The following GSG1L variants were observed in gnomAD, a reference collection of about 807,000 sequenced individuals.
GSG1L encodes the protein GSG1 like.
In GSG1L, 24 loss-of-function variants were observed where a neutral mutation model predicts 42.1. The ratio of observed to expected loss-of-function variants is 0.57; its 90% CI spans 0.41 to 0.80. GSG1L has a LOEUF of 0.80. Among genes scored for constraint, GSG1L ranks in the 30% least tolerant of loss-of-function variants. The pLI is 0.00. For synonymous variants in GSG1L, 215 were observed against 203.5 expected, an observed-to-expected ratio of 1.06 and a Z score of -0.48; for missense variants, 445 against 472.2, an observed-to-expected ratio of 0.94 and a Z score of 0.53.
chr16:27,925,904 G>A (rs2084587031), intron 2 of GSG1L, among the ~76,000 whole-genome samples: 1 of 152,242 alleles, frequency 6.6e-6, no homozygotes, highest in Non-Finnish European at 1.5e-5. Context: ...CACAGTGACA[G>A]CAGACAGCAG....
At chr16:28,039,599 AC>A (rs2086082168) in intron 1 of GSG1L, among the ~76,000 whole-genome samples, 1 of 139,942 alleles carries the variant, frequency 7.1e-6, no homozygotes, top group African/African-American at 2.6e-5. Context: ...ACATACCCAC[AC>A]TTGCACACAC....
chr16:27,903,643 C>G (rs1358505594), intron 2 of GSG1L, among the ~76,000 whole-genome samples: 2 of 152,182 alleles, frequency 1.3e-5, no homozygotes, highest in Non-Finnish European at 2.9e-5. Context: ...GATGCCCCCC[C>G]TTGGGGCCCT....
intron 1 of GSG1L, among the ~76,000 whole-genome samples, chr16:27,979,628 G>T (rs1347459826): frequency 9.7e-6 from 1 of 103,368 alleles, no homozygotes; most frequent in African/African-American, 4.3e-5. Flanking sequence ...AAAGGGAGAT[G>T]GGCAGGAGGG....
chr16:27,846,293 T>A (rs999992868), intron 3 of GSG1L, among the ~76,000 whole-genome samples: 1 of 152,202 alleles, frequency 6.6e-6, no homozygotes, highest in African/African-American at 2.4e-5. Context: ...TGAGTCTCTC[T>A]GGAATTGTTA....
rs572725288 is a variant in GSG1L, at chr16:27,959,012, G to A, written c.397+4144C>T. Reference sequence around the variant, plus strand: ...ATTTCTATAACAAGTGTGTATAATCGTGATACTGTGATATAACAAAAAACA... The same window carrying A: ...ATTTCTATAACAAGTGTGTATAATCATGATACTGTGATATAACAAAAAACA... On this transcript the variant is annotated intron_variant, in intron 2 of 6. Transcript: ENST00000447459. 1.3e-4 allele frequency among the ~76,000 whole-genome samples: 20 copies of A among 152,162 alleles called. 2 individuals are homozygous for A. Among genetic ancestry groups the A allele is most frequent in the African/African-American group, 2.9e-4 (12 of 41,538 alleles).
At chr16:27,969,957 A>G (rs1249862836) in intron 1 of GSG1L, among the ~76,000 whole-genome samples, 1 of 152,204 alleles carries the variant, frequency 6.6e-6, no homozygotes, top group African/African-American at 2.4e-5. Context: ...CTTAATGACT[A>G]ATGATGTTGA....
intron 1 of GSG1L, among the ~76,000 whole-genome samples, chr16:28,005,962 C>T (rs988288145): frequency 1.3e-5 from 2 of 152,108 alleles, no homozygotes; most frequent in East Asian, 3.9e-4. Context: ...GGAGATGATC[C>T]GTTATCCAAG....
intron 2 of GSG1L, among the ~76,000 whole-genome samples, chr16:27,942,892 G>A (rs72784126): frequency 0.013 from 1,904 of 152,282 alleles, 35 homozygotes; most frequent in Non-Finnish European, 0.015. Flanking sequence ...AGTCAACCCA[G>A]GAATTCCACA....
intron 6 of GSG1L, among the ~76,000 whole-genome samples, chr16:27,801,993 TCA>T (rs1567459372): frequency 3.3e-5 from 5 of 152,136 alleles, no homozygotes; most frequent in African/African-American, 1.2e-4. Flanking sequence ...AATGCAGGTA[TCA>T]TCATGATAGC....
At chr16:27,903,153 G>T (rs1228391054) in intron 2 of GSG1L, among the ~76,000 whole-genome samples, 1 of 152,134 alleles carries the variant, frequency 6.6e-6, no homozygotes, top group African/African-American at 2.4e-5. Flanking sequence ...AGACCCAGGG[G>T]GCGGGAGCCT....
chr16:27,968,047 G>T (rs1175327154), intron 1 of GSG1L, among the ~76,000 whole-genome samples: 1 of 152,068 alleles, frequency 6.6e-6, no homozygotes, highest in Non-Finnish European at 1.5e-5. Context: ...ACCAACACCC[G>T]AGGCCACATT....
At chr16:27,940,874 T>TA (rs1414840357) in intron 2 of GSG1L, among the ~76,000 whole-genome samples, 1 of 146,652 alleles carries the variant, frequency 6.8e-6, no homozygotes, top group African/African-American at 2.6e-5. Flanking sequence ...TAAAATAAAA[T>TA]AAAATAAAAA....
rs1209949663 is a variant in GSG1L, at chr16:28,063,402, C to T, written c.23G>A (p.Arg8Gln). Residue 8 changes from arginine to glutamine, a missense_variant, in exon 1 of 7, where the codon CGA (arginine) becomes CAA (glutamine). Physicochemically the swap from Arg to Gln is conservative, Grantham distance 43 (BLOSUM62 1). Around this residue, in one of 3 missense-constraint regions of GSG1L, gnomAD observed 156 missense variants for 128.3 expected, o/e 1.22. Transcript: ENST00000447459. The surrounding 1 kb of genome is among the most constrained non-coding windows in gnomAD (Gnocchi z 5.8). ...GTTCAGGGCCACGGCCAGGAGCGCT[C>T]GGCCGCGGCGGCTAGTCTTCATGCC... MKTSRRGRALLAVALNLL... is the reference protein window; with the variant it reads MKTSRRGQALLAVALNLL... The T allele has an allele frequency of 2.3e-6, 3 of 1,321,836 alleles. No individual in the cohort carries two copies. Among genetic ancestry groups the T allele is most frequent in the Non-Finnish European group, 2.9e-6 (3 of 1,027,744 alleles). The allele number at this position is 1,321,836 out of a possible 1,614,324, so 81.9% of individuals were successfully genotyped here.
chr16:28,051,195 C>T (rs764835858), intron 1 of GSG1L, among the ~76,000 whole-genome samples: 1 of 152,056 alleles, frequency 6.6e-6, no homozygotes, highest in Non-Finnish European at 1.5e-5. Flanking sequence ...TTGGAGTGGG[C>T]ATTTTTTGAA....
intron 2 of GSG1L, among the ~76,000 whole-genome samples, chr16:27,922,874 AC>A (rs1596616081): frequency 6.6e-6 from 1 of 151,778 alleles, no homozygotes; most frequent in African/African-American, 2.4e-5. Flanking sequence ...GCCTCACACG[AC>A]CCCCTGGGCT....
intron 2 of GSG1L, among the ~76,000 whole-genome samples, chr16:27,925,832 A>G (rs567473006): frequency 2.0e-5 from 3 of 152,380 alleles, no homozygotes; most frequent in Non-Finnish European, 4.4e-5. Context: ...TCTACCAAGA[A>G]TAGGGCAGTG....
chr16:27,921,292 AAC>A (rs1227152889), intron 2 of GSG1L, among the ~76,000 whole-genome samples: 1 of 152,002 alleles, frequency 6.6e-6, no homozygotes, highest in Non-Finnish European at 1.5e-5. Flanking sequence ...TCCTCCATCC[AAC>A]ACACACACTG....
At chr16:27,949,497 A>G (rs910159972) in intron 2 of GSG1L, among the ~76,000 whole-genome samples, 1 of 152,164 alleles carries the variant, frequency 6.6e-6, no homozygotes, top group African/African-American at 2.4e-5. Context: ...GCGCAAGCCT[A>G]TAGTCCCAGC....
chr16:28,042,366 G>A (rs960554405), intron 1 of GSG1L, among the ~76,000 whole-genome samples: 1 of 151,666 alleles, frequency 6.6e-6, no homozygotes, highest in Non-Finnish European at 1.5e-5. Flanking sequence ...AACCCGGGGG[G>A]CGGAGGTTGC....
Sources: allele counts gnomAD v4.1 joint callset (sites outside exome capture counted in the v4.1 genomes callset), GRCh38; gene constraint gnomAD v4.1.1; regional missense constraint gnomAD v4.1.1; non-coding constraint Gnocchi (gnomAD v3.1); transcripts MANE v1.5; gene names NCBI Gene and HGNC (gene_info 2026-07-23, HGNC 2026-07-21).